The following RBFOX1 variants were observed in gnomAD, a reference collection of about 807,000 sequenced individuals.
The protein encoded by RBFOX1 is RNA binding fox-1 homolog 1, also known as RNA binding protein fox-1 homolog 1.
RBFOX1 carries 8 observed loss-of-function variants against 57.7 expected under a neutral mutation model. The ratio of observed to expected loss-of-function variants is 0.14; its 90% CI spans 0.08 to 0.25. The LOEUF is 0.25. Ranked by LOEUF, RBFOX1 falls within the 10% of genes least tolerant of loss-of-function variation. The pLI, the probability that RBFOX1 is intolerant of heterozygous loss-of-function variation, is 1.00. For missense variants in RBFOX1, 611 were observed against 548.5 expected, an observed-to-expected ratio of 1.11 and a Z score of -1.14; for synonymous variants, 326 against 222.4, an observed-to-expected ratio of 1.47 and a Z score of -4.15.
At chr16:7,068,793 T>C (rs7195818) in intron 4 of RBFOX1, among the ~76,000 whole-genome samples, 9,927 of 152,174 alleles carry the variant, frequency 0.065, 1,078 homozygotes, top group African/African-American at 0.22. Context: ...TTCACCATGT[T>C]GGCCAGGCTG....
intron 1 of RBFOX1, among the ~76,000 whole-genome samples, chr16:5,381,963 G>A (rs913494747): frequency 6.6e-6 from 1 of 152,146 alleles, no homozygotes; most frequent in African/African-American, 2.4e-5. Flanking sequence ...AGCTTTTGTG[G>A]CATTCCTGTC....
At chr16:7,510,102 G>C in intron 4 of RBFOX1, 2 of 982,136 alleles carry the variant, frequency 2.0e-6, no homozygotes, top group South Asian at 4.7e-5. Context: ...GTGCCATCTG[G>C]GTTGGTTTTG....
intron 13 of RBFOX1, among the ~76,000 whole-genome samples, chr16:7,676,210 T>C (rs1477354469): frequency 6.6e-6 from 1 of 152,242 alleles, no homozygotes; most frequent in Non-Finnish European, 1.5e-5. Context: ...ATTTTTGTAA[T>C]AATTGTGTAA....
chr16:6,381,815 C>T (rs2091844869), intron 2 of RBFOX1, among the ~76,000 whole-genome samples: 2 of 152,180 alleles, frequency 1.3e-5, no homozygotes, highest in African/African-American at 2.4e-5. Flanking sequence ...TGGACTTCAT[C>T]GCATTATCAT....
chr16:7,598,886 C>T (rs780436245), intron 9 of RBFOX1, among the ~76,000 whole-genome samples: 1 of 152,028 alleles, frequency 6.6e-6, no homozygotes, highest in Non-Finnish European at 1.5e-5. Flanking sequence ...TAAAAGAAAA[C>T]AATGATCTAG....
intron 1 of RBFOX1, among the ~76,000 whole-genome samples, chr16:5,334,735 T>C (rs2064852003): frequency 6.6e-6 from 1 of 151,816 alleles, no homozygotes; most frequent in Non-Finnish European, 1.5e-5. Flanking sequence ...AGGAATAATG[T>C]ACCATGGGCA....
At chr16:7,394,854 A>G (rs926145861) in intron 4 of RBFOX1, among the ~76,000 whole-genome samples, 3 of 152,212 alleles carry the variant, frequency 2.0e-5, no homozygotes, top group East Asian at 3.9e-4. Flanking sequence ...CAATCCGTCT[A>G]CTTCCACGAT....
At chr16:6,973,343 G>A (rs186706279) in intron 3 of RBFOX1, among the ~76,000 whole-genome samples, 1 of 152,166 alleles carries the variant, frequency 6.6e-6, no homozygotes, top group Non-Finnish European at 1.5e-5. Context: ...GACAAAAGCA[G>A]CACTTATTAC....
intron 3 of RBFOX1, among the ~76,000 whole-genome samples, chr16:6,884,027 C>G (rs1407485936): frequency 6.6e-6 from 1 of 152,030 alleles, no homozygotes; most frequent in Non-Finnish European, 1.5e-5. Flanking sequence ...GTTTTTTGTT[C>G]TTCTGACAAA....
chr16:6,962,928 G>A (rs936440365), intron 3 of RBFOX1, among the ~76,000 whole-genome samples: 1 of 151,924 alleles, frequency 6.6e-6, no homozygotes. Flanking sequence ...GGTGGGCTGG[G>A]GTGGGGTTGT....
intron 2 of RBFOX1, among the ~76,000 whole-genome samples, chr16:6,450,928 G>T: frequency 7.2e-6 from 1 of 138,294 alleles, no homozygotes; most frequent in African/African-American, 2.7e-5. Flanking sequence ...AATAACAGGA[G>T]CCACAAACTC....
intron 4 of RBFOX1, among the ~76,000 whole-genome samples, chr16:7,372,109 A>C (rs558057843): frequency 1.3e-5 from 2 of 152,170 alleles, no homozygotes; most frequent in Non-Finnish European, 2.9e-5. Context: ...GTTGGGTCCA[A>C]AAGTTGGTGT....
intron 3 of RBFOX1, among the ~76,000 whole-genome samples, chr16:6,849,761 A>G (rs1300493145): frequency 3.3e-5 from 5 of 152,188 alleles, no homozygotes; most frequent in Non-Finnish European, 5.9e-5. Context: ...CCTAAGACCC[A>G]GTACAAATGC....
chr16:5,931,022 A>G (rs1188084499), intron 4 of RBFOX1, among the ~76,000 whole-genome samples: 1 of 151,992 alleles, frequency 6.6e-6, no homozygotes, highest in East Asian at 1.9e-4. Flanking sequence ...GAATGGATGG[A>G]TAGATGAGAA....
chr16:7,111,990 C>A (rs1245478940), intron 4 of RBFOX1, among the ~76,000 whole-genome samples: 1 of 152,058 alleles, frequency 6.6e-6, no homozygotes, highest in Non-Finnish European at 1.5e-5. Flanking sequence ...AGGACAGATA[C>A]AGTTTGGCCT....
At chr16:6,079,103 G>A (rs2095957256) in intron 1 of RBFOX1, among the ~76,000 whole-genome samples, 1 of 152,180 alleles carries the variant, frequency 6.6e-6, no homozygotes, top group Admixed American at 6.5e-5. Flanking sequence ...GAGGTCAGGA[G>A]TTCAAGACTA....
At chr16:5,568,308 T>C (rs2046144964) in intron 2 of RBFOX1, among the ~76,000 whole-genome samples, 1 of 152,216 alleles carries the variant, frequency 6.6e-6, no homozygotes, top group African/African-American at 2.4e-5. Context: ...CCCTGTGATC[T>C]CTTGCTTCAC....
chr16:6,490,049 G>T (rs992480317), intron 2 of RBFOX1, among the ~76,000 whole-genome samples: 1 of 152,314 alleles, frequency 6.6e-6, no homozygotes, highest in East Asian at 1.9e-4. Flanking sequence ...GATGGTGGAT[G>T]TGAGTACGTT....
chr16:5,324,695 C>G (rs1178353752), intron 1 of RBFOX1, among the ~76,000 whole-genome samples: 2 of 152,102 alleles, frequency 1.3e-5, no homozygotes, highest in South Asian at 2.1e-4. Context: ...CCTTAGCAAA[C>G]TAACACAAGA....
Sources: gnomAD v4.1 joint callset for allele counts (sites outside exome capture counted in the v4.1 genomes callset) on GRCh38, gnomAD v4.1.1 for gene constraint, MANE v1.5 for transcripts, NCBI Gene and HGNC (gene_info 2026-07-23, HGNC 2026-07-21) for gene names.